Variants in PSEN1 observed in about 807,000 individuals in gnomAD.
The protein encoded by PSEN1 is presenilin 1.
PSEN1 carries 15 observed loss-of-function variants against 53.5 expected under a neutral mutation model. The ratio of observed to expected loss-of-function variants is 0.28; its 90% CI spans 0.19 to 0.43. The LOEUF (loss-of-function observed/expected upper bound fraction) is 0.43, where lower values mean the gene tolerates loss of function less well. Among genes scored for constraint, PSEN1 ranks in the 20% least tolerant of loss-of-function variants. The probability of loss-of-function intolerance (pLI) is 1.00; values close to 1 mark genes in which losing one functional copy is unlikely to be tolerated. For missense variants in PSEN1, 387 were observed against 571.2 expected, an observed-to-expected ratio of 0.68 and a Z score of 3.29; for synonymous variants, 208 against 209.8, an observed-to-expected ratio of 0.99 and a Z score of 0.08.
chr14:73,216,573 A>C (rs1899923628), intron 10 of PSEN1, among the ~76,000 whole-genome samples: 1 of 152,140 alleles, frequency 6.6e-6, no homozygotes, highest in Non-Finnish European at 1.5e-5. Context: ...AGCCTGACCA[A>C]CATGGTGAAA....
intron 9 of PSEN1, among the ~76,000 whole-genome samples, chr14:73,207,907 C>A (rs1899518631): frequency 1.3e-5 from 2 of 152,232 alleles, no homozygotes; most frequent in South Asian, 4.1e-4. Flanking sequence ...GTACTAGCTC[C>A]CTGCTGCAGC....
intron 5 of PSEN1, among the ~76,000 whole-genome samples, chr14:73,182,288 T>C (rs1462884145): frequency 6.6e-6 from 1 of 151,612 alleles, no homozygotes; most frequent in African/African-American, 2.4e-5. Context: ...AAAACCAGCT[T>C]GGGCAACAGA....
chr14:73,213,503 C>T (rs1049479679), intron 10 of PSEN1, among the ~76,000 whole-genome samples: 4 of 152,092 alleles, frequency 2.6e-5, no homozygotes, highest in East Asian at 1.9e-4. Flanking sequence ...TAATAACGGA[C>T]GTGCTTCATC....
rs1009517522 is a variant in PSEN1 at position 73,173,674 on chromosome 14, C to G, written c.447C>G (p.Leu149=). 2 of 1,614,084 alleles carry G rather than the reference C, an allele frequency of 1.2e-6. No individual in the cohort carries two copies. Among genetic ancestry groups the G allele is most frequent in the Admixed American group, 1.7e-5 (1 of 60,004 alleles). The change falls in exon 5 of 12, where the codon CTC becomes CTG. Residue 149 remains leucine, a synonymous_variant. Transcript: ENST00000324501. ...MISVIVVMTI[L]LVVLYKYRCY... is the part of the protein sequence containing the mutation. ...GTGTCATTGTTGTCATGACTATCCT[C>G]CTGGTGGTTCTGTATAAATACAGGT...
In PSEN1 at chr14:73,184,012, C is replaced by T. The variant is rs1373403488; in HGVS notation, c.481-2841C>T. Among the ~76,000 whole-genome samples, 6 of 123,720 alleles carry T rather than the reference C, an allele frequency of 4.8e-5. 1 individual carries two copies. The highest frequency in any genetic ancestry group is 1.0e-4 in the African/African-American group (3 of 29,002). 81.2% of individuals were successfully genotyped at this position (123,720 alleles called of 152,430 possible). Reference sequence around the variant, plus strand: ...CCCAGTAGGAGCGGCCGGGCAGAGGCGCCCCTCACCTCCCGGACGGGGCGG... The same window carrying T: ...CCCAGTAGGAGCGGCCGGGCAGAGGTGCCCCTCACCTCCCGGACGGGGCGG... On this transcript the variant is annotated intron_variant, in intron 5 of 11. Coordinates refer to ENST00000324501, the MANE Select transcript of PSEN1 (RefSeq NM_000021.4).
chr14:73,209,026 C>A (rs1216075220), intron 9 of PSEN1: 1 of 355,004 alleles, frequency 2.8e-6, no homozygotes, highest in Non-Finnish European at 5.6e-6. Context: ...CCCCAAGCGC[C>A]CGCACACCCG....
At chr14:73,217,797 T>A (rs542493893) in intron 11 of PSEN1, among the ~76,000 whole-genome samples, 48 of 146,120 alleles carry the variant, frequency 3.3e-4, no homozygotes, top group African/African-American at 1.1e-3. Context: ...AAACTATGAT[T>A]TTTTTTTTTT....
chr14:73,170,832 A>ACC lies in PSEN1; in HGVS notation c.124_125insCC (p.Arg42ProfsTer33), dbSNP rs776683638. ...GAGAACGGCAGGAGCACAACGACAG[A>ACC]CGGAGCCTTGGCCACCCTGAGCCAT... On this transcript the variant is annotated frameshift_variant, in exon 4 of 12. Transcript: ENST00000324501. LOFTEE classifies it high-confidence loss of function. 4.3e-5 allele frequency: 70 copies of ACC among 1,614,206 alleles called. No homozygotes were observed. The highest frequency in any genetic ancestry group is 5.3e-5 in the Non-Finnish European group (63 of 1,180,026).
At chr14:73,139,456 C>G (rs1297044379) in intron 1 of PSEN1, 1 of 147,326 alleles carries the variant, frequency 6.8e-6, no homozygotes, top group African/African-American at 2.5e-5. Flanking sequence ...TGGCGTGTAC[C>G]TGTTATCCCA....
chr14:73,214,471 A>G, intron 10 of PSEN1, among the ~76,000 whole-genome samples: 1 of 151,068 alleles, frequency 6.6e-6, no homozygotes, highest in East Asian at 2.0e-4. Context: ...TGGAGGTTGC[A>G]GTGAGCTGAG....
intron 5 of PSEN1, among the ~76,000 whole-genome samples, chr14:73,176,662 C>T (rs1036480635): frequency 1.3e-5 from 2 of 152,232 alleles, no homozygotes; most frequent in Non-Finnish European, 2.9e-5. Context: ...TAAAGGTTTT[C>T]CCAATCTTGG....
At position 73,201,976 on chromosome 14, in the gene PSEN1, A is replaced by G. The variant is rs990588883; in HGVS notation, c.868+3847A>G. 2.6e-5 allele frequency among the ~76,000 whole-genome samples: 4 copies of G among 151,628 alleles called. No individual in the cohort carries two copies. In the East Asian group the frequency reaches 7.8e-4, roughly 29 times the overall value. ...TGGCCAGGCTGGCCTTGAACTCCCCACCTCAAGTGATCCACCTGCCTCGGC... is the reference window on the plus strand; with the variant it reads ...TGGCCAGGCTGGCCTTGAACTCCCCGCCTCAAGTGATCCACCTGCCTCGGC... On this transcript the variant is annotated intron_variant, in intron 8 of 11. Transcript: ENST00000324501.
chr14:73,182,032 C>A (rs1898231828), intron 5 of PSEN1, among the ~76,000 whole-genome samples: 1 of 152,162 alleles, frequency 6.6e-6, no homozygotes, highest in Non-Finnish European at 1.5e-5. Flanking sequence ...TCTCAGCCTC[C>A]CAAACTGCTG....
chr14:73,151,291 G>C (rs920651464), intron 3 of PSEN1, among the ~76,000 whole-genome samples: 1 of 152,154 alleles, frequency 6.6e-6, no homozygotes, highest in Admixed American at 6.5e-5. Context: ...CACAATAACT[G>C]ACAGTGCTGC....
chr14:73,156,895 C>G (rs1465064434), intron 3 of PSEN1, among the ~76,000 whole-genome samples: 2 of 152,066 alleles, frequency 1.3e-5, no homozygotes, highest in Non-Finnish European at 1.5e-5. Flanking sequence ...ATCTCCTGAC[C>G]TTGTGATCCG....
intron 6 of PSEN1, among the ~76,000 whole-genome samples, chr14:73,189,294 A>T (rs1898628163): frequency 6.6e-6 from 1 of 152,238 alleles, no homozygotes; most frequent in Admixed American, 6.5e-5. Context: ...TTGGTAAGGC[A>T]ATTAATTGAT....
intron 3 of PSEN1, among the ~76,000 whole-genome samples, chr14:73,151,223 C>G (rs992127651): frequency 6.6e-6 from 1 of 152,170 alleles, no homozygotes; most frequent in Non-Finnish European, 1.5e-5. Context: ...CATTTGTTTT[C>G]TCTTGTGAAT....
intron 3 of PSEN1, chr14:73,160,078 C>T: frequency 3.5e-6 from 1 of 281,924 alleles, no homozygotes; most frequent in Non-Finnish European, 7.9e-6. Context: ...CCCACTTTGG[C>T]CTCCCAAAAT....
At chr14:73,192,539 G>T in intron 6 of PSEN1, 105 bp from the exon 7 acceptor site, 1 of 796,942 alleles carries the variant, frequency 1.3e-6, no homozygotes, top group South Asian at 1.4e-5. Flanking sequence ...AAATTATAAA[G>T]GTGGGATATT....
Sources: allele counts gnomAD v4.1 joint callset (sites outside exome capture counted in the v4.1 genomes callset), GRCh38; gene constraint gnomAD v4.1.1; transcripts MANE v1.5; gene names NCBI Gene and HGNC (gene_info 2026-07-23, HGNC 2026-07-21).